Variants in GABRG3 observed in about 807,000 individuals in gnomAD.
GABRG3 encodes gamma-aminobutyric acid type A receptor subunit gamma3.
Under a neutral mutation model 48.8 loss-of-function variants are expected in GABRG3, and 25 were observed. The ratio of observed to expected loss-of-function variants is 0.51; its 90% confidence interval spans 0.37 to 0.72. The LOEUF (loss-of-function observed/expected upper bound fraction) is 0.72, where lower values mean the gene tolerates loss of function less well. Among genes scored for constraint, GABRG3 ranks in the 30% least tolerant of loss-of-function variants. The pLI is 0.00. For synonymous variants in GABRG3, 227 were observed against 217.6 expected (o/e 1.04, Z -0.38); for missense variants, 394 against 577.9 (o/e 0.68, Z 3.26).
chr15:27,130,030 A>T (rs879359709), intron 3 of GABRG3, among the ~76,000 whole-genome samples: 1 of 151,912 alleles, frequency 6.6e-6, no homozygotes, highest in Admixed American at 6.6e-5. Flanking sequence ...GTTGATAGGG[A>T]CTTTTGATGC....
intron 3 of GABRG3, among the ~76,000 whole-genome samples, chr15:27,192,471 C>A (rs1380226468): frequency 6.6e-6 from 1 of 152,096 alleles, no homozygotes; most frequent in East Asian, 1.9e-4. Context: ...TCATTTCATT[C>A]ATTTCATCTT....
At chr15:27,017,118 G>T (rs571848369) in intron 2 of GABRG3, among the ~76,000 whole-genome samples, 1 of 152,098 alleles carries the variant, frequency 6.6e-6, no homozygotes, top group South Asian at 2.1e-4. Flanking sequence ...TTAGTTTCAG[G>T]ATATTTAATT....
At chr15:27,340,205 A>T (rs941215391) in intron 5 of GABRG3, among the ~76,000 whole-genome samples, 4 of 152,174 alleles carry the variant, frequency 2.6e-5, no homozygotes, top group African/African-American at 9.7e-5. Context: ...GCGTACAACC[A>T]TGGGAGTGTT....
At chr15:27,270,374 T>C (rs981937396) in intron 3 of GABRG3, among the ~76,000 whole-genome samples, 14 of 152,138 alleles carry the variant, frequency 9.2e-5, no homozygotes, top group African/African-American at 3.4e-4. Flanking sequence ...GTTTGTTTAG[T>C]AGAGTCCCTC....
chr15:27,347,671 A>G (rs932854600), intron 5 of GABRG3, among the ~76,000 whole-genome samples: 5 of 152,226 alleles, frequency 3.3e-5, no homozygotes, highest in Non-Finnish European at 4.4e-5. Flanking sequence ...AGAACCTTAT[A>G]GGATTCCTGG....
At chr15:27,382,130 C>T (rs998621950) in intron 5 of GABRG3, among the ~76,000 whole-genome samples, 3 of 152,190 alleles carry the variant, frequency 2.0e-5, no homozygotes, top group Non-Finnish European at 4.4e-5. Flanking sequence ...TAAGCTTCTA[C>T]ACTCCATTCA....
At chr15:27,411,815 C>A (rs887151537) in intron 5 of GABRG3, among the ~76,000 whole-genome samples, 2 of 152,094 alleles carry the variant, frequency 1.3e-5, no homozygotes, top group African/African-American at 4.8e-5. Context: ...CAGCTTCTCC[C>A]TCTTGTTCTT....
intron 3 of GABRG3, among the ~76,000 whole-genome samples, chr15:27,137,351 G>T (rs1179636298): frequency 1.3e-5 from 2 of 152,088 alleles, no homozygotes; most frequent in Non-Finnish European, 2.9e-5. Flanking sequence ...GAAGGCTCCT[G>T]GACAAACAAA....
intron 2 of GABRG3, among the ~76,000 whole-genome samples, chr15:27,016,811 T>C (rs1250611580): frequency 1.3e-5 from 2 of 152,166 alleles, no homozygotes; most frequent in African/African-American, 2.4e-5. Flanking sequence ...TTGCTTGTCT[T>C]GATAATTTAA....
intron 3 of GABRG3, among the ~76,000 whole-genome samples, chr15:27,228,380 G>A (rs927376146): frequency 3.3e-5 from 5 of 152,134 alleles, no homozygotes; most frequent in African/African-American, 9.7e-5. Flanking sequence ...GCATGTTCCC[G>A]CAAAAGACAT....
At chr15:27,162,463 C>T (rs1180230568) in intron 3 of GABRG3, among the ~76,000 whole-genome samples, 1 of 152,146 alleles carries the variant, frequency 6.6e-6, no homozygotes, top group Admixed American at 6.5e-5. Flanking sequence ...GTGCCACTGG[C>T]CACTGTGCAG....
intron 5 of GABRG3, among the ~76,000 whole-genome samples, chr15:27,430,512 A>G (rs1888417371): frequency 6.6e-6 from 1 of 152,126 alleles, no homozygotes; most frequent in Non-Finnish European, 1.5e-5. Flanking sequence ...TTTTTCTTCT[A>G]AGGGTTTTAT....
intron 5 of GABRG3, among the ~76,000 whole-genome samples, chr15:27,419,642 C>A (rs78942347): frequency 0.031 from 4,770 of 152,274 alleles, 114 homozygotes; most frequent in Middle Eastern, 0.1. Context: ...ACCACATGGG[C>A]AGCTTTGTCC....
At chr15:27,424,352 G>T (rs568642690) in intron 5 of GABRG3, among the ~76,000 whole-genome samples, 3 of 152,234 alleles carry the variant, frequency 2.0e-5, no homozygotes, top group African/African-American at 7.2e-5. Flanking sequence ...GGAAGTCCAA[G>T]ATCAAGGTGA....
chr15:27,080,701 A>G (rs1355722701), intron 3 of GABRG3, among the ~76,000 whole-genome samples: 1 of 152,238 alleles, frequency 6.6e-6, no homozygotes, highest in Non-Finnish European at 1.5e-5. Flanking sequence ...ACACCGTAAG[A>G]GATTGCTTAT....
At position 27,088,464 on chromosome 15, in the gene GABRG3, G is replaced by C. The variant is rs1228113442; in HGVS notation, c.270+61643G>C. Among the ~76,000 whole-genome samples the C allele has an allele frequency of 3.3e-5, 5 of 152,228 alleles. No individual in the cohort carries two copies. The East Asian group carries it at 9.7e-4, about 30-fold the overall frequency. ...GGCCAACTGGGGAGGCTGTGTGCCG[G>C]GCAGGCTGCGGGTGAACACTGCCTG... On this transcript the variant is annotated intron_variant, in intron 3 of 9. Transcript: ENST00000615808.
chr15:27,347,386 A>C (rs891531356), intron 5 of GABRG3, among the ~76,000 whole-genome samples: 23 of 152,134 alleles, frequency 1.5e-4, no homozygotes, highest in Non-Finnish European at 3.1e-4. Flanking sequence ...CTTCAGTGGC[A>C]TAGGTTTTCC....
chr15:27,197,230 A>G (rs528293869), intron 3 of GABRG3, among the ~76,000 whole-genome samples: 143 of 152,200 alleles, frequency 9.4e-4, no homozygotes, highest in Non-Finnish European at 1.8e-3. Flanking sequence ...TATCTGCATC[A>G]GAAGTCAAGG....
At chr15:27,273,932 G>A (rs1891170125) in intron 3 of GABRG3, among the ~76,000 whole-genome samples, 1 of 152,130 alleles carries the variant, frequency 6.6e-6, no homozygotes, top group Non-Finnish European at 1.5e-5. Context: ...TCTAGCTCAT[G>A]GATTCTGAAG....
Sources: gnomAD v4.1 joint callset for allele counts (sites outside exome capture counted in the v4.1 genomes callset) on GRCh38, gnomAD v4.1.1 for gene constraint, MANE v1.5 for transcripts, NCBI Gene and HGNC (gene_info 2026-07-23, HGNC 2026-07-21) for gene names.